Variants in IGFBP4 observed in about 807,000 individuals in gnomAD.
IGFBP4 encodes insulin like growth factor binding protein 4, also known as insulin-like growth factor-binding protein 4.
A neutral mutation model predicts 25.8 loss-of-function variants in IGFBP4; 9 were observed. The observed-to-expected ratio is 0.35, with a 90% CI of 0.21 to 0.61. The LOEUF is 0.61. Ranked by LOEUF, IGFBP4 falls within the 20% of genes least tolerant of loss-of-function variation. The pLI is 0.77. For missense variants in IGFBP4, 315 were observed against 365.3 expected, an observed-to-expected ratio of 0.86 and a Z score of 1.12; for synonymous variants, 153 against 153.9, an observed-to-expected ratio of 0.99 and a Z score of 0.05.
At chr17:40,448,346 C>A (rs148166064) in intron 1 of IGFBP4, among the ~76,000 whole-genome samples, 1 of 152,370 alleles carries the variant, frequency 6.6e-6, no homozygotes, top group South Asian at 2.1e-4. Flanking sequence ...TCTTCTCTGG[C>A]GCCTTCCCTT....
chr17:40,446,971 C>T (rs552120830), intron 1 of IGFBP4, among the ~76,000 whole-genome samples: 1 of 152,392 alleles, frequency 6.6e-6, no homozygotes, highest in African/African-American at 2.4e-5. Flanking sequence ...AGCCCCTACC[C>T]ACCCATCTTT....
Position 40,453,084 on chromosome 17 carries a change from G to A in IGFBP4, c.449G>A (p.Ser150Asn). Reference sequence around the variant, plus strand: ...CACTTCGCCAAAATTCGAGACCGGAGCACCAGTGGGGGCAAGATGAAGGTC... The same window carrying A: ...CACTTCGCCAAAATTCGAGACCGGAACACCAGTGGGGGCAAGATGAAGGTC... ...QKHFAKIRDR[S>N]TSGGKMKVNG... The change falls in exon 2 of 4, where the codon AGC becomes AAC. Residue 150 changes from serine to asparagine, a missense_variant. Ser to Asn is a conservative substitution (Grantham distance 46, BLOSUM62 1). Transcript: ENST00000269593. The surrounding 1 kb of genome is among the most constrained non-coding windows in gnomAD (Gnocchi z 4.0). 6.2e-7 allele frequency: 1 copy of A among 1,601,724 alleles called. No individual in the cohort carries two copies. The highest frequency in any genetic ancestry group is 8.5e-7 in the Non-Finnish European group (1 of 1,173,994).
chr17:40,443,700 C>T lies in IGFBP4; in HGVS notation c.-36C>T. ...CGCGCCCGCGCTCCCCGCCTGCGCC[C>T]AGCGCCCCGCGCCCGCGCCCAGTCC... is the stretch of plus-strand genomic sequence containing the variant. On this transcript the variant is annotated 5_prime_UTR_variant, in exon 1 of 4. Coordinates refer to ENST00000269593, the MANE Select transcript of IGFBP4 (RefSeq NM_001552.3). 54 of 1,267,178 alleles carry T rather than the reference C, an allele frequency of 4.3e-5. No homozygotes were observed. Among genetic ancestry groups the T allele is most frequent in the Non-Finnish European group, 5.4e-5 (54 of 1,000,146 alleles). The allele number at this position is 1,267,178 out of a possible 1,614,324, so 78.5% of individuals were successfully genotyped here. A position where few individuals can be genotyped will look rare whatever the true frequency, so the allele number is the denominator to read the frequency against.
At chr17:40,454,802 G>A (rs1461300242) in intron 3 of IGFBP4, among the ~76,000 whole-genome samples, 1 of 152,196 alleles carries the variant, frequency 6.6e-6, no homozygotes, top group Non-Finnish European at 1.5e-5. Context: ...GCTCTGGTGT[G>A]CCTCCTGCTG....
Position 40,453,873 on chromosome 17 carries a change from TG to T in IGFBP4, c.508-52del. 1 of 1,416,680 alleles carries T rather than the reference TG, an allele frequency of 7.1e-7. No homozygotes were observed. Among genetic ancestry groups the T allele is most frequent in the Non-Finnish European group, 9.7e-7 (1 of 1,026,574 alleles). The allele number at this position is 1,416,680 out of a possible 1,614,324, so 87.8% of individuals were successfully genotyped here. On this transcript the variant is annotated intron_variant, in intron 2 of 3. Transcript: ENST00000269593. The surrounding 1 kb of genome is among the most constrained non-coding windows in gnomAD (Gnocchi z 4.0). ...TCTCACTTAGCTCTGACCCCAGGCC[TG>T]GGCCTCCTGCCTCTCTTCCTTCTGC...
chr17:40,447,938 T>TAAA (rs1395210607), intron 1 of IGFBP4, among the ~76,000 whole-genome samples: 7 of 152,216 alleles, frequency 4.6e-5, no homozygotes, highest in African/African-American at 7.2e-5. Flanking sequence ...TGGTGCATTT[T>TAAA]GCTGCTGTCA....
At chr17:40,446,829 G>A (rs1405770591) in intron 1 of IGFBP4, among the ~76,000 whole-genome samples, 1 of 152,124 alleles carries the variant, frequency 6.6e-6, no homozygotes, top group African/African-American at 2.4e-5. Context: ...CTATGCCCGT[G>A]CCCTCCCACA....
intron 1 of IGFBP4, among the ~76,000 whole-genome samples, chr17:40,449,767 A>G (rs935570054): frequency 6.7e-6 from 1 of 149,646 alleles, no homozygotes; most frequent in African/African-American, 2.4e-5. Flanking sequence ...AAAAAAGGAG[A>G]GAGAGAGAGA....
intron 1 of IGFBP4, among the ~76,000 whole-genome samples, chr17:40,449,457 AAAAAG>A (rs961579312): frequency 6.6e-6 from 1 of 152,166 alleles, no homozygotes; most frequent in Non-Finnish European, 1.5e-5. Context: ...CTCTTAAAAA[AAAAAG>A]AAAAGGCCGG....
At position 40,453,209 on chromosome 17, in the gene IGFBP4, C is replaced by G. The variant is rs1377568451; in HGVS notation, c.507+67C>G. ...ACACACACACATGCCCCCTGCCCCC[C>G]ACATGCACGCACCCACACACACCAT... On this transcript the variant is annotated intron_variant, in intron 2 of 3. Coordinates refer to ENST00000269593, the MANE Select transcript of IGFBP4 (RefSeq NM_001552.3). This position sits in a 1 kb window ranked among gnomAD's most constrained non-coding sequence, Gnocchi z 4.0. 3.4e-6 allele frequency: 4 copies of G among 1,182,390 alleles called. No individual in the cohort carries two copies. The highest frequency in any genetic ancestry group is 3.2e-5 in the African/African-American group (2 of 63,164). 73.2% of individuals were successfully genotyped at this position (1,182,390 alleles called of 1,614,324 possible).
intron 1 of IGFBP4, among the ~76,000 whole-genome samples, chr17:40,444,976 G>T (rs2035636296): frequency 7.1e-6 from 1 of 141,816 alleles, no homozygotes; most frequent in African/African-American, 2.6e-5. Context: ...GAGAGAGAGA[G>T]AGAGAGAGAC....
At chr17:40,447,515 G>A (rs146676504) in intron 1 of IGFBP4, among the ~76,000 whole-genome samples, 10 of 152,300 alleles carry the variant, frequency 6.6e-5, no homozygotes, top group Non-Finnish European at 1.3e-4. Flanking sequence ...TCAGTACTGG[G>A]AATCCAGTTA....
In IGFBP4 at chr17:40,456,453, A is replaced by G. The variant is rs1207805055; in HGVS notation, c.647A>G (p.His216Arg). ...RNGNFHPKQC[H>R]PALDGQRGKC... Reference sequence around the variant, plus strand: ...CTCATGTCCTTCTCTTGGCAGTGTCACCCAGCTCTGGATGGGCAGCGTGGC... The same window carrying G: ...CTCATGTCCTTCTCTTGGCAGTGTCGCCCAGCTCTGGATGGGCAGCGTGGC... Residue 216 changes from histidine (H) to arginine (R), a missense_variant, in exon 4 of 4, where the codon CAC (histidine) becomes CGC (arginine). His to Arg is a conservative substitution (Grantham distance 29). Transcript: ENST00000269593. 1.2e-6 allele frequency: 2 copies of G among 1,613,794 alleles called. No individual in the cohort carries two copies. The highest frequency in any genetic ancestry group is 1.7e-5 in the Admixed American group (1 of 59,996).
At chr17:40,445,230 CCT>C (rs1438661477) in intron 1 of IGFBP4, among the ~76,000 whole-genome samples, 1 of 152,052 alleles carries the variant, frequency 6.6e-6, no homozygotes, top group African/African-American at 2.4e-5. Flanking sequence ...TGCTTCTCTC[CCT>C]CTCTTTCTGT....
In IGFBP4 at chr17:40,453,010, C is replaced by T. The variant is rs143445546; in HGVS notation, c.375C>T (p.Asn125=). 2,170 of 1,566,752 alleles carry T rather than the reference C, an allele frequency of 1.4e-3. 1 individual carries two copies. The highest frequency in any genetic ancestry group is 1.8e-3 in the Admixed American group (95 of 53,754). The change falls in exon 2 of 4, where the codon AAC becomes AAT. Residue 125 remains asparagine (N), a synonymous_variant. Coordinates refer to ENST00000269593, the MANE Select transcript of IGFBP4 (RefSeq NM_001552.3). This position sits in a 1 kb window ranked among gnomAD's most constrained non-coding sequence, Gnocchi z 4.0. ...PSDKDEGDHP[N]NSFSPCSAHD... is the part of the protein sequence containing the mutation. ...ACAAGGACGAGGGTGACCACCCCAA[C>T]AACAGCTTCAGCCCCTGTAGCGCCC...
Position 40,453,875 on chromosome 17 carries a change from G to A in IGFBP4, c.508-53G>A, listed in dbSNP as rs2035700059. ...TCACTTAGCTCTGACCCCAGGCCTG[G>A]GCCTCCTGCCTCTCTTCCTTCTGCT... On this transcript the variant is annotated intron_variant, in intron 2 of 3. Transcript: ENST00000269593. This position sits in a 1 kb window ranked among gnomAD's most constrained non-coding sequence, Gnocchi z 4.0. 3 of 1,425,892 alleles carry A rather than the reference G, an allele frequency of 2.1e-6. No homozygotes were observed. The highest frequency in any genetic ancestry group is 2.9e-6 in the Non-Finnish European group (3 of 1,034,374). 88.3% of individuals were successfully genotyped at this position (1,425,892 alleles called of 1,614,324 possible). A position where few individuals can be genotyped will look rare whatever the true frequency, so the allele number is the denominator to read the frequency against.
intron 1 of IGFBP4, among the ~76,000 whole-genome samples, chr17:40,448,178 A>G (rs2035660987): frequency 6.6e-6 from 1 of 152,184 alleles, no homozygotes; most frequent in Admixed American, 6.5e-5. Flanking sequence ...TCTGGTCGGG[A>G]TGGCTGGGCC....
intron 3 of IGFBP4, among the ~76,000 whole-genome samples, chr17:40,456,169 A>G (rs1037622419): frequency 2.0e-5 from 3 of 152,234 alleles, no homozygotes; most frequent in Middle Eastern, 6.8e-3. Flanking sequence ...AACATCTCCA[A>G]CCTGAACCCA....
At chr17:40,451,863 G>A (rs1311339627) in intron 1 of IGFBP4, among the ~76,000 whole-genome samples, 1 of 152,106 alleles carries the variant, frequency 6.6e-6, no homozygotes, top group African/African-American at 2.4e-5. Flanking sequence ...TAGAGACAGG[G>A]TCTTGCTCTG....
Sources: gnomAD v4.1 joint callset for allele counts (sites outside exome capture counted in the v4.1 genomes callset) on GRCh38, gnomAD v4.1.1 for gene constraint, Gnocchi (gnomAD v3.1) non-coding constraint, MANE v1.5 for transcripts, NCBI Gene and HGNC (gene_info 2026-07-23, HGNC 2026-07-21) for gene names.